Variants in USH2A observed in about 807,000 individuals in gnomAD.
USH2A encodes the protein usherin.
In USH2A, 443 loss-of-function variants were observed where a neutral mutation model predicts 538.9. The observed-to-expected ratio is 0.82, with a 90% CI of 0.76 to 0.89. The LOEUF is 0.89. Ranked by LOEUF, USH2A falls within the 40% of genes least tolerant of loss-of-function variation. The probability of loss-of-function intolerance (pLI) is 0.00; values close to 1 mark genes in which losing one functional copy is unlikely to be tolerated. For missense variants in USH2A, 6,633 were observed against 6,324.8 expected, an observed-to-expected ratio of 1.05 and a Z score of -1.65; for synonymous variants, 2,413 against 2,273.5, an observed-to-expected ratio of 1.06 and a Z score of -1.75.
chr1:215,650,763 G>A lies in USH2A; in HGVS notation c.14172C>T (p.Ser4724=), dbSNP rs766236237. The A allele has an allele frequency of 2.5e-6, 4 of 1,612,984 alleles. No homozygotes were observed. The highest frequency in any genetic ancestry group is 3.4e-6 in the Non-Finnish European group (4 of 1,179,932). ...CTGGCCCGGTTCTGCACCATGTCCA[G>A]CTACTGGGGGCTTTTCCTGCAGAAT... ...AVNSAGKAPS[S]WTWCRTGPAP... Residue 4724 remains serine (S), a synonymous_variant, in exon 65 of 72, where the codon AGC becomes AGT. Transcript: ENST00000307340.
intron 25 of USH2A, 107 bp from the exon 26 acceptor site, chr1:216,083,693 A>C: frequency 1.3e-4 from 143 of 1,118,572 alleles, no homozygotes; most frequent in Middle Eastern, 2.2e-4. Flanking sequence ...AGTAAATCTC[A>C]CAAAAGAAGA....
chr1:215,640,844 C>CACA, intron 67 of USH2A, 110 bp from the exon 68 acceptor site: 1 of 496,052 alleles, frequency 2.0e-6, no homozygotes, highest in African/African-American at 2.6e-5. Context: ...CCAATCCAAA[C>CACA]AAAAAAAAAA....
chr1:216,201,007 CCCTCCCTTCCTTCCTTCCTTCCTTCCTT>C (rs1459704891), intron 16 of USH2A, among the ~76,000 whole-genome samples: 1 of 90,246 alleles, frequency 1.1e-5, no homozygotes, highest in Non-Finnish European at 2.3e-5. Flanking sequence ...CTCCCTCCCT[CCCTCCCTTCCTTCCTTCCTTCCTTCCTT>C]CCTTCCTTCC....
chr1:216,156,067 A>G (rs563220164), intron 21 of USH2A, among the ~76,000 whole-genome samples: 2 of 152,220 alleles, frequency 1.3e-5, no homozygotes, highest in South Asian at 4.1e-4. Flanking sequence ...AAAATTTTCA[A>G]TGTGATGGCC....
chr1:216,021,097 G>T (rs1005480399), intron 32 of USH2A, among the ~76,000 whole-genome samples: 8 of 152,116 alleles, frequency 5.3e-5, no homozygotes, highest in Non-Finnish European at 8.8e-5. Context: ...GAACTGAGCT[G>T]AACTATAGCA....
intron 58 of USH2A, among the ~76,000 whole-genome samples, chr1:215,746,288 C>T (rs191359705): frequency 5.3e-5 from 8 of 152,044 alleles, no homozygotes; most frequent in African/African-American, 4.8e-5. Flanking sequence ...TGCCCTGTAA[C>T]GGAATGGTCT....
At chr1:216,085,719 AGTGT>A (rs140742468) in intron 24 of USH2A, among the ~76,000 whole-genome samples, 7,628 of 143,618 alleles carry the variant, frequency 0.053, 240 homozygotes, top group Middle Eastern at 0.11. Context: ...TGTGTACGTG[AGTGT>A]GTGTGTGTGT....
intron 21 of USH2A, among the ~76,000 whole-genome samples, chr1:216,143,357 A>T (rs192612569): frequency 6.6e-5 from 10 of 152,316 alleles, no homozygotes; most frequent in African/African-American, 2.4e-4. Context: ...AATTAGTAAA[A>T]TTAACTTACT....
chr1:215,665,861 G>T (rs1279168174), intron 64 of USH2A, among the ~76,000 whole-genome samples: 2 of 152,242 alleles, frequency 1.3e-5, no homozygotes, highest in East Asian at 1.9e-4. Context: ...TGCAATGGAA[G>T]AATTTTATTT....
intron 3 of USH2A, among the ~76,000 whole-genome samples, chr1:216,388,715 C>T (rs1184838808): frequency 6.6e-6 from 1 of 152,218 alleles, no homozygotes; most frequent in Non-Finnish European, 1.5e-5. Context: ...CATCGGAGGA[C>T]AAGCTAGAGC....
chr1:216,155,753 C>T (rs2033924552), intron 21 of USH2A, among the ~76,000 whole-genome samples: 1 of 152,170 alleles, frequency 6.6e-6, no homozygotes, highest in Admixed American at 6.5e-5. Flanking sequence ...AGCAGGCAAG[C>T]AGAACCTTTT....
chr1:215,913,977 C>T (rs748315312), intron 38 of USH2A, among the ~76,000 whole-genome samples: 2 of 151,246 alleles, frequency 1.3e-5, no homozygotes, highest in Non-Finnish European at 2.9e-5. Context: ...TAATATAAAA[C>T]TCAAGAAAAC....
intron 14 of USH2A, among the ~76,000 whole-genome samples, chr1:216,220,520 G>T (rs2035436014): frequency 6.6e-6 from 1 of 151,214 alleles, no homozygotes; most frequent in African/African-American, 2.4e-5. Context: ...TTAAGTAGAA[G>T]TCTTGGAGGA....
At chr1:215,830,139 C>A (rs898965589) in intron 47 of USH2A, among the ~76,000 whole-genome samples, 1 of 152,164 alleles carries the variant, frequency 6.6e-6, no homozygotes, top group Non-Finnish European at 1.5e-5. Flanking sequence ...CCATCTTTAA[C>A]CCAAGGGCAG....
intron 44 of USH2A, among the ~76,000 whole-genome samples, chr1:215,847,355 C>T (rs1663877929): frequency 6.6e-6 from 1 of 152,042 alleles, no homozygotes; most frequent in Non-Finnish European, 1.5e-5. Flanking sequence ...TCAAATTATG[C>T]ATCAAAAATT....
Position 215,628,827 on chromosome 1 carries a change from T to C in USH2A, c.15506A>G (p.His5169Arg), listed in dbSNP as rs146085433. ...AAACCAACTCACCAGTCCACTGTTGTGGCCCATGATGGCTTCCCACAGTGA... is the reference window on the plus strand; with the variant it reads ...AAACCAACTCACCAGTCCACTGTTGCGGCCCATGATGGCTTCCCACAGTGA... Reference protein sequence around the residue: ...DNSLWEAIMGHNSGLYVDEED... With the variant: ...DNSLWEAIMGRNSGLYVDEED... The change falls in exon 71 of 72, where the codon CAC (histidine) becomes CGC (arginine). Residue 5169 changes from histidine (H) to arginine (R), a missense_variant. His to Arg is a conservative substitution (Grantham distance 29). Coordinates refer to ENST00000307340, the MANE Select transcript of USH2A (RefSeq NM_206933.4). 4.6e-5 allele frequency: 74 copies of C among 1,614,050 alleles called. No homozygotes were observed. Among genetic ancestry groups the C allele is most frequent in the Non-Finnish European group, 5.8e-5 (68 of 1,180,046 alleles).
At chr1:215,975,765 T>C (rs1053672119) in intron 35 of USH2A, among the ~76,000 whole-genome samples, 2 of 152,216 alleles carry the variant, frequency 1.3e-5, no homozygotes, top group Non-Finnish European at 2.9e-5. Flanking sequence ...TCCAGCTTTG[T>C]TCTTTTTGTG....
intron 27 of USH2A, among the ~76,000 whole-genome samples, chr1:216,076,419 C>T (rs539764190): frequency 4.6e-5 from 7 of 152,012 alleles, no homozygotes; most frequent in Non-Finnish European, 7.4e-5. Flanking sequence ...TATTATCTTA[C>T]AATTTTGGTT....
chr1:216,388,185 C>T (rs2039037248), intron 3 of USH2A, among the ~76,000 whole-genome samples: 1 of 152,172 alleles, frequency 6.6e-6, no homozygotes, highest in South Asian at 2.1e-4. Flanking sequence ...ATTGAATGTT[C>T]ATGTAAGACA....
Sources: allele counts gnomAD v4.1 joint callset (sites outside exome capture counted in the v4.1 genomes callset), GRCh38; gene constraint gnomAD v4.1.1; transcripts MANE v1.5; gene names NCBI Gene and HGNC (gene_info 2026-07-23, HGNC 2026-07-21).